PLEKHA4: variants seen among roughly 807,000 people sequenced by gnomAD.
The protein encoded by PLEKHA4 is pleckstrin homology domain-containing family A member 4.
A neutral mutation model predicts 94.7 loss-of-function variants in PLEKHA4; 73 were observed. The observed-to-expected ratio is 0.77, with a 90% confidence interval of 0.64 to 0.94. The LOEUF is 0.94. PLEKHA4 is among the 40% of genes least tolerant of loss of function. The pLI is 0.00. For synonymous variants in PLEKHA4, 449 were observed against 437.1 expected, an observed-to-expected ratio of 1.03 and a Z score of -0.34; for missense variants, 1,049 against 1,054.1, an observed-to-expected ratio of 1.00 and a Z score of 0.07.
At position 48,867,823 on chromosome 19, in the gene PLEKHA4, G is replaced by A. The variant is rs372257648; in HGVS notation, c.-6-197C>T. 2.0e-5 allele frequency among the ~76,000 whole-genome samples: 3 copies of A among 152,042 alleles called. No homozygotes were observed. The highest frequency in any genetic ancestry group is 4.4e-5 in the Non-Finnish European group (3 of 67,996). ...AGAGGTAGGCGGCCCTGGCAGCTGC[G>A]GGAGGGGGCAGCTGTCTGCAGCCCA... On this transcript the variant is annotated intron_variant, in intron 1 of 19. Coordinates refer to ENST00000263265, the MANE Select transcript of PLEKHA4 (RefSeq NM_020904.3). This position sits in a 1 kb window ranked among gnomAD's most constrained non-coding sequence, Gnocchi z 4.7.
At position 48,837,415 on chromosome 19, in the gene PLEKHA4, C is replaced by A. The variant is rs887904668; in HGVS notation, c.2214G>T (p.Gly738=). 16 of 1,613,400 alleles carry A rather than the reference C, an allele frequency of 9.9e-6. No homozygotes were observed. In the Admixed American group the frequency reaches 2.2e-4, roughly 22 times the overall value. Reference sequence around the variant, plus strand: ...GGGTGGGACCTCCTCCACGCCCACTCCCTCGGCGAGAGAACCCCGTGGAAC... The same window carrying A: ...GGGTGGGACCTCCTCCACGCCCACTACCTCGGCGAGAGAACCCCGTGGAAC... ...NSGSTGFSRR[G]SGRGGGPTPW... is the part of the protein sequence containing the mutation. Residue 738 remains glycine, a synonymous_variant, in exon 20 of 20, where the codon GGG becomes GGT. Transcript: ENST00000263265. The surrounding 1 kb of genome is among the most constrained non-coding windows in gnomAD (Gnocchi z 4.3).
chr19:48,860,464 G>C lies in PLEKHA4; in HGVS notation c.367-5C>G. On this transcript the variant is annotated splice_region_variant and splice_polypyrimidine_tract_variant and intron_variant, in intron 5 of 19. Coordinates refer to ENST00000263265, the MANE Select transcript of PLEKHA4 (RefSeq NM_020904.3). ...CCTCATGCCCGGGTGCTCTGCCTGC[G>C]GGAAGAGAAGGCTTGGAATCCGGAC... 1.2e-6 allele frequency: 2 copies of C among 1,610,532 alleles called. No individual in the cohort carries two copies. The highest frequency in any genetic ancestry group is 1.7e-6 in the Non-Finnish European group (2 of 1,176,902).
Position 48,867,390 on chromosome 19 carries a change from G to A in PLEKHA4, c.84+147C>T. The A allele has an allele frequency of 1.2e-6, 1 of 826,964 alleles. No homozygotes were observed. Among genetic ancestry groups the A allele is most frequent in the Non-Finnish European group, 1.9e-6 (1 of 531,870 alleles). 51.2% of individuals were successfully genotyped at this position (826,964 alleles called of 1,614,324 possible). A position where few individuals can be genotyped will look rare whatever the true frequency, so the allele number is the denominator to read the frequency against. On this transcript the variant is annotated intron_variant, in intron 2 of 19. Transcript: ENST00000263265. The surrounding 1 kb of genome is among the most constrained non-coding windows in gnomAD (Gnocchi z 4.7). ...GAGTGCCTCTGAATTCCTAGCTGCG[G>A]TGTGTAGGCAATTTGGGACCTTACT...
chr19:48,859,021 T>G lies in PLEKHA4; in HGVS notation c.811A>C (p.Thr271Pro). The stretch of plus-strand genomic sequence containing the variant: ...CGGACATCAATGCGACTCAACGGGG[T>G]GTGAGGTCGGGCAGGGGGTGCTGTG... ...GDTAPPARPH[T>P]PLSRIDVRPP... The change falls in exon 8 of 20, where the codon ACC becomes CCC. Residue 271 changes from threonine (T) to proline (P), a missense_variant. By Grantham distance (38) the Thr-to-Pro change is conservative. Transcript: ENST00000263265. The G allele has an allele frequency of 7.5e-7, 1 of 1,334,756 alleles. No individual in the cohort carries two copies. Among genetic ancestry groups the G allele is most frequent in the Non-Finnish European group, 9.6e-7 (1 of 1,036,414 alleles). 82.7% of individuals were successfully genotyped at this position (1,334,756 alleles called of 1,614,324 possible).
At chr19:48,865,413 G>T in intron 3 of PLEKHA4, 90 bp downstream of exon 3, 1 of 849,536 alleles carries the variant, frequency 1.2e-6, no homozygotes, top group Non-Finnish European at 1.9e-6. Flanking sequence ...GCAAGAAAAA[G>T]AAAGCCTATT....
Position 48,860,398 on chromosome 19 carries a change from C to T in PLEKHA4, c.428G>A (p.Gly143Asp). The T allele has an allele frequency of 6.2e-7, 1 of 1,614,116 alleles. No individual in the cohort carries two copies. Among genetic ancestry groups the T allele is most frequent in the Non-Finnish European group, 8.5e-7 (1 of 1,180,030 alleles). The change falls in exon 6 of 20, where the codon GGC (glycine) becomes GAC (aspartate). Residue 143 changes from glycine to aspartate, a missense_variant. Transcript: ENST00000263265. Reference sequence around the variant, plus strand: ...GGCCCGGCCCAGCGCCCGTAGCCAGCCCCGCAGGTCTTCTAAGGTGTCAGC... The same window carrying T: ...GGCCCGGCCCAGCGCCCGTAGCCAGTCCCGCAGGTCTTCTAAGGTGTCAGC... Reference protein sequence around the residue: ...LAADTLEDLRGWLRALGRASR... With the variant: ...LAADTLEDLRDWLRALGRASR...
chr19:48,854,521 T>C (rs2036329759), intron 9 of PLEKHA4, among the ~76,000 whole-genome samples: 1 of 151,486 alleles, frequency 6.6e-6, no homozygotes, highest in African/African-American at 2.4e-5. Context: ...GGCGCACACA[T>C]CATGCCCGGC....
chr19:48,844,729 T>A (rs1000983346), intron 16 of PLEKHA4: 2 of 783,502 alleles, frequency 2.6e-6, no homozygotes, highest in Non-Finnish European at 3.1e-6. Flanking sequence ...TCCTAAACAT[T>A]CCTGCCACTA....
In PLEKHA4 at chr19:48,838,113, GGGTGGT is replaced by G; in HGVS notation, c.1975_1980del (p.Thr659_Thr660del). On this transcript the variant is annotated inframe_deletion, in exon 19 of 20. Transcript: ENST00000263265. ...TGACCTTCGGAAGTCGGCAAGTAAG[GGGTGGT>G]GTTCCTTGGACTAGAAAAAAAAAGA... 1 of 1,613,322 alleles carries G rather than the reference GGGTGGT, an allele frequency of 6.2e-7. No homozygotes were observed. The highest frequency in any genetic ancestry group is 8.5e-7 in the Non-Finnish European group (1 of 1,179,636).
rs201727882 is a variant in PLEKHA4 at position 48,852,228 on chromosome 19, C to A, written c.1425G>T (p.Gln475His). 1.7e-5 allele frequency: 28 copies of A among 1,613,386 alleles called. No homozygotes were observed. Among genetic ancestry groups the A allele is most frequent in the Non-Finnish European group, 2.3e-5 (27 of 1,179,544 alleles). Reference sequence around the variant, plus strand: ...TTGGGGTCTCCAAGCAGCGATTTACCTGGGGAGAACCAAGGTGCAGCAGGT... The same window carrying A: ...TTGGGGTCTCCAAGCAGCGATTTACATGGGGAGAACCAAGGTGCAGCAGGT... ...LEYLLHLGSP[Q>H]DRVSAQQQLW... Residue 475 changes from glutamine (Q) to histidine (H), a missense_variant and splice_region_variant, in exon 13 of 20, where the codon CAG (glutamine) becomes CAT (histidine). Physicochemically the swap from Gln to His is conservative, Grantham distance 24 (BLOSUM62 0). Coordinates refer to ENST00000263265, the MANE Select transcript of PLEKHA4 (RefSeq NM_020904.3).
At position 48,858,943 on chromosome 19, in the gene PLEKHA4, G is replaced by A. The variant is rs1223799030; in HGVS notation, c.889C>T (p.Pro297Ser). Residue 297 changes from proline to serine, a missense_variant, in exon 8 of 20, where the codon CCC becomes TCC. By Grantham distance (74) the Pro-to-Ser change is moderately conservative. Transcript: ENST00000263265. ...QRQTLSRPPT[P>S]RRGPPSEAGG... ...GCCTCAGAGGGAGGTCCTCGGCGGG[G>A]AGTAGGGGGTCGGGAGAGGGTCTGG... 2 of 1,599,240 alleles carry A rather than the reference G, an allele frequency of 1.3e-6. No individual in the cohort carries two copies. The highest frequency in any genetic ancestry group is 1.1e-5 in the South Asian group (1 of 89,440).
intron 9 of PLEKHA4, among the ~76,000 whole-genome samples, chr19:48,856,103 G>A (rs958598711): frequency 6.6e-6 from 1 of 150,870 alleles, no homozygotes; most frequent in East Asian, 2.0e-4. Context: ...ACCCAGGAGG[G>A]GAGGTTGCGG....
intron 3 of PLEKHA4, among the ~76,000 whole-genome samples, chr19:48,863,825 A>C (rs2036736864): frequency 6.6e-6 from 1 of 151,252 alleles, no homozygotes. Context: ...ACCTGCCTCG[A>C]CCTCCCGAAG....
intron 18 of PLEKHA4, among the ~76,000 whole-genome samples, chr19:48,838,803 A>G (rs1189292733): frequency 6.6e-6 from 1 of 151,810 alleles, no homozygotes; most frequent in Non-Finnish European, 1.5e-5. Context: ...AAATAAAAAT[A>G]AAAAATAAAC....
At chr19:48,859,961 G>C in intron 6 of PLEKHA4, 1 of 578,688 alleles carries the variant, frequency 1.7e-6, no homozygotes, top group Non-Finnish European at 3.0e-6. Context: ...ATTGGCGCAG[G>C]CCATGTCAGA....
intron 9 of PLEKHA4, among the ~76,000 whole-genome samples, chr19:48,856,772 G>A (rs1389397051): frequency 2.7e-5 from 4 of 149,622 alleles, no homozygotes; most frequent in Non-Finnish European, 4.4e-5. Flanking sequence ...GGTGGCGGGC[G>A]CCTGTAGTCC....
At chr19:48,842,810 GGTCTC>G (rs2035817741) in intron 16 of PLEKHA4, among the ~76,000 whole-genome samples, 1 of 152,126 alleles carries the variant, frequency 6.6e-6, no homozygotes, top group Non-Finnish European at 1.5e-5. Flanking sequence ...ACCTCTGGAG[GGTCTC>G]ACACTGGGTG....
chr19:48,862,857 AT>A (rs2036697283), intron 3 of PLEKHA4, among the ~76,000 whole-genome samples: 1 of 152,202 alleles, frequency 6.6e-6, no homozygotes, highest in African/African-American at 2.4e-5. Context: ...TCCGCCTAGA[AT>A]CCACCTTCAT....
intron 6 of PLEKHA4, 172 bp downstream of exon 6, chr19:48,860,178 A>G (rs528056694): frequency 4.9e-5 from 30 of 609,960 alleles, no homozygotes; most frequent in Non-Finnish European, 7.5e-5. Context: ...AGGGAGAAAG[A>G]CTTTTGCTGA....
Sources: allele counts gnomAD v4.1 joint callset (sites outside exome capture counted in the v4.1 genomes callset), GRCh38; gene constraint gnomAD v4.1.1; non-coding constraint Gnocchi (gnomAD v3.1); transcripts MANE v1.5; gene names NCBI Gene and HGNC (gene_info 2026-07-23, HGNC 2026-07-21).